The following LPA variants were observed in gnomAD, a reference collection of about 807,000 sequenced individuals.
LPA encodes lipoprotein(a), also known as apolipoprotein(a).
LPA carries 199 observed loss-of-function variants against 197.9 expected under a neutral mutation model. The observed-to-expected ratio is 1.01, with a 90% CI of 0.90 to 1.13. The LOEUF (loss-of-function observed/expected upper bound fraction) is 1.13, where lower values mean the gene tolerates loss of function less well. Among genes scored for constraint, LPA ranks in the 50% most tolerant of loss-of-function variants. LPA has a pLI of 0.00. For synonymous variants in LPA, 715 were observed against 639.5 expected (o/e 1.12, Z -1.78); for missense variants, 1,853 against 1,785.8 (o/e 1.04, Z -0.68).
At chr6:160,634,866 T>G (rs531327483) in intron 7 of LPA, among the ~76,000 whole-genome samples, 12 of 150,242 alleles carry the variant, frequency 8.0e-5, no homozygotes, top group South Asian at 6.2e-4. Context: ...GATAGCCCAT[T>G]TTAGAAGGAG....
In LPA at chr6:160,650,724, C is replaced by A. The variant is rs543660252; in HGVS notation, c.50-227G>T. Among the ~76,000 whole-genome samples, 11 of 152,272 alleles carry A rather than the reference C, an allele frequency of 7.2e-5. No individual in the cohort carries two copies. In the East Asian group the frequency reaches 2.1e-3, roughly 29 times the overall value. On this transcript the variant is annotated intron_variant, in intron 1 of 38. Coordinates refer to ENST00000316300, the MANE Select transcript of LPA (RefSeq NM_005577.4). ...TATTTAAAAGTTTAGAGGAAGTTAA[C>A]ATATCAGAATTCTTCTCACCAGAAA...
chr6:160,651,971 T>C (rs1432632213), intron 1 of LPA, among the ~76,000 whole-genome samples: 2 of 147,334 alleles, frequency 1.4e-5, no homozygotes, highest in Non-Finnish European at 3.0e-5. Context: ...CATAGTCTAC[T>C]AGAACTTATC....
intron 28 of LPA, among the ~76,000 whole-genome samples, chr6:160,576,049 A>T (rs1291683850): frequency 6.6e-6 from 1 of 151,870 alleles, no homozygotes; most frequent in East Asian, 1.9e-4. Flanking sequence ...GGTTGATCAC[A>T]TTTGTTTTCT....
intron 14 of LPA, among the ~76,000 whole-genome samples, chr6:160,615,352 T>TGTG (rs1562346207): frequency 1.7e-3 from 204 of 122,184 alleles, no homozygotes; most frequent in Middle Eastern, 0.014. Context: ...TGTTTTCAGT[T>TGTG]TGTGTGTGTG....
chr6:160,600,858 G>A (rs1779224514), intron 19 of LPA, 59 bp downstream of exon 19: 2 of 1,564,860 alleles, frequency 1.3e-6, no homozygotes, highest in Non-Finnish European at 1.8e-6. Flanking sequence ...GTCAGTGGGG[G>A]TATCCATGGC....
At chr6:160,571,003 C>T (rs531299774) in intron 28 of LPA, among the ~76,000 whole-genome samples, 128 of 152,288 alleles carry the variant, frequency 8.4e-4, no homozygotes, top group African/African-American at 2.9e-3. Flanking sequence ...CTTTCAGGTA[C>T]ACCAATCAAA....
At chr6:160,570,543 G>C (rs1462008442) in intron 28 of LPA, among the ~76,000 whole-genome samples, 1 of 152,210 alleles carries the variant, frequency 6.6e-6, no homozygotes, top group East Asian at 1.9e-4. Flanking sequence ...TAAATGAAGA[G>C]TTAATGGGTG....
At chr6:160,602,419 A>G (rs1181819080) in intron 18 of LPA, among the ~76,000 whole-genome samples, 1 of 152,198 alleles carries the variant, frequency 6.6e-6, no homozygotes, top group Non-Finnish European at 1.5e-5. Context: ...TATTCCCCAC[A>G]TGATTTAGTC....
chr6:160,608,549 G>T (rs1220058477), intron 16 of LPA, among the ~76,000 whole-genome samples: 2 of 152,080 alleles, frequency 1.3e-5, no homozygotes, highest in Non-Finnish European at 1.5e-5. Flanking sequence ...TTCTTACCGT[G>T]AAAATGTGAA....
intron 26 of LPA, 89 bp downstream of exon 26, chr6:160,584,957 G>T: frequency 2.2e-6 from 3 of 1,351,918 alleles, no homozygotes; most frequent in Non-Finnish European, 3.2e-6. Context: ...TGAGAAATTT[G>T]GACCTAGGAA....
chr6:160,585,872 G>A (rs1332216603), intron 25 of LPA, among the ~76,000 whole-genome samples: 2 of 152,108 alleles, frequency 1.3e-5, no homozygotes, highest in Non-Finnish European at 2.9e-5. Flanking sequence ...AAGCAGGGAT[G>A]AGAACACTGA....
At chr6:160,543,071 T>C (rs1778011543) in intron 33 of LPA, among the ~76,000 whole-genome samples, 1 of 152,234 alleles carries the variant, frequency 6.6e-6, no homozygotes, top group Non-Finnish European at 1.5e-5. Context: ...CTTTTGCATG[T>C]GAGTCTCTGT....
chr6:160,579,160 C>T (rs1338004748), intron 26 of LPA, among the ~76,000 whole-genome samples: 1 of 152,038 alleles, frequency 6.6e-6, no homozygotes, highest in Non-Finnish European at 1.5e-5. Flanking sequence ...AAATACATTT[C>T]CCCAAGGAAG....
chr6:160,594,729 A>T (rs1779096794), intron 21 of LPA, among the ~76,000 whole-genome samples: 1 of 152,174 alleles, frequency 6.6e-6, no homozygotes, highest in Non-Finnish European at 1.5e-5. Context: ...TCTTCTTCTC[A>T]GAGACCAACA....
chr6:160,663,501 CACTT>C (rs1286427097), intron 1 of LPA, among the ~76,000 whole-genome samples: 10 of 152,332 alleles, frequency 6.6e-5, no homozygotes, highest in African/African-American at 1.9e-4. Flanking sequence ...AAAGGACACA[CACTT>C]ACATTCACAA....
intron 16 of LPA, among the ~76,000 whole-genome samples, chr6:160,608,743 A>G (rs1016738391): frequency 6.6e-6 from 1 of 151,986 alleles, no homozygotes; most frequent in African/African-American, 2.4e-5. Flanking sequence ...TGCTTCCCAT[A>G]TGCAGGAAAT....
intron 34 of LPA, among the ~76,000 whole-genome samples, chr6:160,542,315 C>A (rs1777993585): frequency 6.6e-6 from 1 of 152,192 alleles, no homozygotes; most frequent in South Asian, 2.1e-4. Flanking sequence ...TCTTGTCCTC[C>A]CTCACTGCAA....
chr6:160,572,701 A>T (rs1479441502), intron 28 of LPA, among the ~76,000 whole-genome samples: 1 of 152,110 alleles, frequency 6.6e-6, no homozygotes, highest in Admixed American at 6.5e-5. Flanking sequence ...CTTGACTGAT[A>T]ATTGTTTTGT....
At chr6:160,594,978 G>T (rs1368415442) in intron 21 of LPA, among the ~76,000 whole-genome samples, 2 of 152,206 alleles carry the variant, frequency 1.3e-5, no homozygotes, top group African/African-American at 4.8e-5. Flanking sequence ...AAGATGCAAT[G>T]AACACTGACT....
Sources: allele counts gnomAD v4.1 joint callset (sites outside exome capture counted in the v4.1 genomes callset), GRCh38; gene constraint gnomAD v4.1.1; transcripts MANE v1.5; gene names NCBI Gene and HGNC (gene_info 2026-07-23, HGNC 2026-07-21).